Variants in ROR1 observed in about 807,000 individuals in gnomAD.
ROR1 encodes inactive tyrosine-protein kinase transmembrane receptor ROR1.
ROR1 carries 19 observed loss-of-function variants against 78.8 expected under a neutral mutation model. That is an observed-to-expected ratio of 0.24 (90% CI 0.17 to 0.35). The LOEUF is 0.35. Ranked by LOEUF, ROR1 falls within the 10% of genes least tolerant of loss-of-function variation. The pLI is 1.00. For missense variants in ROR1, 917 were observed against 1,177.8 expected, an observed-to-expected ratio of 0.78 and a Z score of 3.24; for synonymous variants, 386 against 433.6, an observed-to-expected ratio of 0.89 and a Z score of 1.36.
intron 1 of ROR1, among the ~76,000 whole-genome samples, chr1:63,990,461 G>A (rs1646285893): frequency 6.7e-6 from 1 of 148,910 alleles, no homozygotes; most frequent in Non-Finnish European, 1.5e-5. Flanking sequence ...TACCAGTGCT[G>A]TTTCTGAAAG....
At chr1:63,847,096 A>C (rs1274526000) in intron 1 of ROR1, among the ~76,000 whole-genome samples, 1 of 152,158 alleles carries the variant, frequency 6.6e-6, no homozygotes, top group African/African-American at 2.4e-5. Context: ...CCTTCTCCAC[A>C]GTGGTAGGAG....
At chr1:63,901,277 A>C (rs1031778433) in intron 1 of ROR1, among the ~76,000 whole-genome samples, 3 of 152,168 alleles carry the variant, frequency 2.0e-5, no homozygotes, top group Non-Finnish European at 4.4e-5. Context: ...GCAGAGCTCT[A>C]TCCTGACAAT....
intron 1 of ROR1, among the ~76,000 whole-genome samples, chr1:63,980,429 T>C (rs1254342747): frequency 6.6e-6 from 1 of 152,238 alleles, no homozygotes; most frequent in Non-Finnish European, 1.5e-5. Flanking sequence ...TGTAAATTAC[T>C]GCTGTTCATT....
At chr1:63,836,406 A>G (rs1645019034) in intron 1 of ROR1, among the ~76,000 whole-genome samples, 1 of 151,534 alleles carries the variant, frequency 6.6e-6, no homozygotes, top group African/African-American at 2.4e-5. Context: ...ATGCCAAGTG[A>G]GTTAGGATAT....
chr1:64,116,197 C>T (rs996982608), intron 4 of ROR1, among the ~76,000 whole-genome samples: 11 of 152,202 alleles, frequency 7.2e-5, no homozygotes, highest in African/African-American at 2.4e-4. Flanking sequence ...AGAATCCTTA[C>T]ATTCCAGCTG....
intron 1 of ROR1, among the ~76,000 whole-genome samples, chr1:63,949,762 AG>A (rs1645919488): frequency 6.6e-6 from 1 of 152,092 alleles, no homozygotes; most frequent in Non-Finnish European, 1.5e-5. Flanking sequence ...AGTTTCTCAA[AG>A]GGGGTAGCCC....
Position 64,178,606 on chromosome 1 carries a change from C to T in ROR1, c.2565C>T (p.Ser855=). Residue 855 remains serine, a synonymous_variant, in exon 9 of 9, where the codon TCC becomes TCT. Transcript: ENST00000371079. This position sits in a 1 kb window ranked among gnomAD's most constrained non-coding sequence, Gnocchi z 4.3. The part of the protein sequence containing the change: ...IQHCPPPKSR[S]PSSASGSTST... Reference sequence around the variant, plus strand: ...ACTGCCCACCTCCCAAGAGTCGGTCCCCAAGCAGTGCCAGTGGGTCGACTA... The same window carrying T: ...ACTGCCCACCTCCCAAGAGTCGGTCTCCAAGCAGTGCCAGTGGGTCGACTA... 6.2e-7 allele frequency: 1 copy of T among 1,614,138 alleles called. No individual in the cohort carries two copies. The highest frequency in any genetic ancestry group is 1.1e-5 in the South Asian group (1 of 91,084).
At chr1:63,775,566 T>C (rs1031986743) in intron 1 of ROR1, among the ~76,000 whole-genome samples, 14 of 152,340 alleles carry the variant, frequency 9.2e-5, no homozygotes, top group Non-Finnish European at 1.9e-4. Context: ...TCTTTTATCA[T>C]GCATCTTTCA....
intron 4 of ROR1, among the ~76,000 whole-genome samples, chr1:64,084,695 T>C (rs1647136273): frequency 6.6e-6 from 1 of 152,240 alleles, no homozygotes; most frequent in Non-Finnish European, 1.5e-5. Flanking sequence ...AAGCTGCCAG[T>C]TGATATGTCT....
intron 1 of ROR1, among the ~76,000 whole-genome samples, chr1:63,994,916 T>A (rs1217806290): frequency 6.6e-6 from 1 of 152,204 alleles, no homozygotes; most frequent in Non-Finnish European, 1.5e-5. Context: ...TGCAGTTGAC[T>A]GGAAAGGCCT....
At chr1:63,833,156 C>A (rs1218927042) in intron 1 of ROR1, among the ~76,000 whole-genome samples, 1 of 152,186 alleles carries the variant, frequency 6.6e-6, no homozygotes, top group Non-Finnish European at 1.5e-5. Context: ...TAACACAATT[C>A]CTGGCAGACA....
chr1:64,126,104 G>A (rs754902649), intron 4 of ROR1, among the ~76,000 whole-genome samples: 132 of 152,288 alleles, frequency 8.7e-4, no homozygotes, highest in Middle Eastern at 3.4e-3. Context: ...AACCGAAACT[G>A]GAAGGATGAG....
chr1:64,142,575 A>T lies in ROR1; in HGVS notation c.1099A>T (p.Asn367Tyr), dbSNP rs778582883. The part of the protein sequence containing the change: ...GGHSYCRNPG[N>Y]QKEAPWCFTL... ...CCATTCCTACTGCCGCAACCCAGGGAATCAAAAGGAAGCTCCCTGGTGCTT... is the reference window on the plus strand; with the variant it reads ...CCATTCCTACTGCCGCAACCCAGGGTATCAAAAGGAAGCTCCCTGGTGCTT... The change falls in exon 7 of 9, where the codon AAT becomes TAT. Residue 367 changes from asparagine to tyrosine, a missense_variant. Coordinates refer to ENST00000371079, the MANE Select transcript of ROR1 (RefSeq NM_005012.4). 8 of 1,614,170 alleles carry T rather than the reference A, an allele frequency of 5.0e-6. No individual in the cohort carries two copies. The highest frequency in any genetic ancestry group is 6.8e-6 in the Non-Finnish European group (8 of 1,180,032).
At chr1:64,165,701 CTTTTTT>C (rs576997668) in intron 8 of ROR1, among the ~76,000 whole-genome samples, 1 of 102,920 alleles carries the variant, frequency 9.7e-6, no homozygotes, top group Non-Finnish European at 1.9e-5. Context: ...TCGGGTTTTA[CTTTTTT>C]TTTTTTTTTT....
At chr1:64,057,019 T>C (rs1035432659) in intron 4 of ROR1, among the ~76,000 whole-genome samples, 2 of 152,238 alleles carry the variant, frequency 1.3e-5, no homozygotes, top group African/African-American at 4.8e-5. Context: ...TTTGATGACA[T>C]TCAATTTATT....
At chr1:64,017,231 A>C (rs902230523) in intron 2 of ROR1, among the ~76,000 whole-genome samples, 1 of 152,104 alleles carries the variant, frequency 6.6e-6, no homozygotes, top group African/African-American at 2.4e-5. Flanking sequence ...ATAGGAGAGC[A>C]GGGATTTGGA....
intron 1 of ROR1, among the ~76,000 whole-genome samples, chr1:64,000,882 C>T (rs1646377313): frequency 6.6e-6 from 1 of 152,182 alleles, no homozygotes; most frequent in Admixed American, 6.5e-5. Flanking sequence ...CACATATTTA[C>T]CTCTTATCAC....
chr1:64,043,229 T>C (rs1646758605), intron 2 of ROR1, among the ~76,000 whole-genome samples: 1 of 152,208 alleles, frequency 6.6e-6, no homozygotes, highest in Admixed American at 6.5e-5. Flanking sequence ...GATTTGTGGA[T>C]TTGTGGATGT....
chr1:64,113,916 C>T (rs142544887), intron 4 of ROR1: 35 of 152,260 alleles, frequency 2.3e-4, no homozygotes, highest in Non-Finnish European at 3.2e-4. Flanking sequence ...ACAATCGCCT[C>T]CCTGCCCCCA....
Sources: allele counts gnomAD v4.1 joint callset (sites outside exome capture counted in the v4.1 genomes callset), GRCh38; gene constraint gnomAD v4.1.1; non-coding constraint Gnocchi (gnomAD v3.1); transcripts MANE v1.5; gene names NCBI Gene and HGNC (gene_info 2026-07-23, HGNC 2026-07-21).